ANLN: variants seen among roughly 807,000 people sequenced by gnomAD.
ANLN encodes the protein anillin, actin binding protein.
ANLN carries 59 observed loss-of-function variants against 135.1 expected under a neutral mutation model. The observed-to-expected ratio is 0.44, with a 90% CI of 0.35 to 0.54. The LOEUF (loss-of-function observed/expected upper bound fraction) is 0.54, where lower values mean the gene tolerates loss of function less well. ANLN is among the 20% of genes least tolerant of loss of function. ANLN has a pLI of 0.00. For synonymous variants in ANLN, 406 were observed against 456.4 expected (o/e 0.89, Z 1.41); for missense variants, 1,182 against 1,340.0 (o/e 0.88, Z 1.84).
chr7:36,402,502 G>A (rs948871855), intron 3 of ANLN, among the ~76,000 whole-genome samples: 8 of 151,950 alleles, frequency 5.3e-5, no homozygotes, highest in Non-Finnish European at 5.9e-5. Context: ...TCACACCAGC[G>A]CGATTTTTCT....
rs375919058 is a variant in ANLN at position 36,449,666 on chromosome 7, A to G, written c.3080A>G (p.Asn1027Ser). The G allele has an allele frequency of 4.4e-6, 7 of 1,605,114 alleles. No individual in the cohort carries two copies. In the East Asian group the frequency reaches 1.6e-4, roughly 36 times the overall value. The change falls in exon 23 of 24, where the codon AAT (asparagine) becomes AGT (serine). Residue 1027 changes from asparagine to serine, a missense_variant and splice_region_variant. Physicochemically the swap from Asn to Ser is conservative, Grantham distance 46. Transcript: ENST00000265748. ...WTYPDDEKRK[N>S]PIGRINLANC... The stretch of plus-strand genomic sequence containing the variant: ...ATTTCTCTTAATTTGTTTTTAAAGA[A>G]TCCCATAGGAAGGATAAATCTGGCT...
rs555966565 is a variant in ANLN at position 36,392,189 on chromosome 7, C to T, written c.18+2145C>T. On this transcript the variant is annotated intron_variant, in intron 1 of 23. Coordinates refer to ENST00000265748, the MANE Select transcript of ANLN (RefSeq NM_018685.5). The stretch of plus-strand genomic sequence containing the variant: ...ATATTTTATTGTAGACGCTTTAGAT[C>T]CTTTTATGTCTGCAGGCTGCATATA... Among the ~76,000 whole-genome samples, 209 of 152,250 alleles carry T rather than the reference C, an allele frequency of 1.4e-3. 2 individuals are homozygous for T. Among genetic ancestry groups the T allele is most frequent in the Non-Finnish European group, 2.2e-3 (150 of 68,018 alleles).
intron 20 of ANLN, among the ~76,000 whole-genome samples, chr7:36,431,512 G>GTCTA (rs549825942): frequency 4.8e-5 from 7 of 146,232 alleles, no homozygotes; most frequent in East Asian, 2.0e-4. Flanking sequence ...TTAGATATCT[G>GTCTA]TCTATCTATC....
At chr7:36,399,496 T>C in intron 3 of ANLN, 103 bp downstream of exon 3, 1 of 1,067,064 alleles carries the variant, frequency 9.4e-7, no homozygotes, top group Admixed American at 3.0e-5. Flanking sequence ...TAAATGCTTT[T>C]GTTTTATCTA....
In ANLN at chr7:36,449,850, C is replaced by T. The variant is rs371793997; in HGVS notation, c.3251+13C>T. The T allele has an allele frequency of 1.2e-6, 2 of 1,607,016 alleles. No homozygotes were observed. The highest frequency in any genetic ancestry group is 2.2e-5 in the East Asian group (1 of 44,766). On this transcript the variant is annotated intron_variant, in intron 23 of 23. Coordinates refer to ENST00000265748, the MANE Select transcript of ANLN (RefSeq NM_018685.5). ...TCTGTGTTACCAAGTATGTATTGGC[C>T]TATAAATATTTCTATCAACTAAGCA... is the stretch of plus-strand genomic sequence containing the variant.
At chr7:36,448,392 A>G (rs1325751366) in intron 22 of ANLN, among the ~76,000 whole-genome samples, 2 of 152,276 alleles carry the variant, frequency 1.3e-5, no homozygotes, top group Middle Eastern at 3.4e-3. Flanking sequence ...AGCTTAATTA[A>G]TTATTCGTTT....
chr7:36,396,291 G>A lies in ANLN; in HGVS notation c.44G>A (p.Arg15Lys). The change falls in exon 2 of 24, where the codon AGG becomes AAG. Residue 15 changes from arginine (R) to lysine (K), a missense_variant. By Grantham distance (26) the Arg-to-Lys change is conservative. Around this residue, in one of 3 missense-constraint regions of ANLN, gnomAD observed 1,022 missense variants for 1,134.0 expected, o/e 0.90. Coordinates refer to ENST00000265748, the MANE Select transcript of ANLN (RefSeq NM_018685.5). The stretch of plus-strand genomic sequence containing the variant: ...AAACTGCTGGAGCGAACCCGTGCCA[G>A]GCGAGAGAATCTTCAGAGAAAAATG... ...TEKLLERTRARRENLQRKMAE... is the reference protein window; with the variant it reads ...TEKLLERTRAKRENLQRKMAE... 1.2e-6 allele frequency: 2 copies of A among 1,607,018 alleles called. No homozygotes were observed. Among genetic ancestry groups the A allele is most frequent in the Admixed American group, 1.7e-5 (1 of 59,740 alleles).
intron 20 of ANLN, among the ~76,000 whole-genome samples, chr7:36,435,729 C>T (rs1788509168): frequency 1.3e-5 from 2 of 150,540 alleles, no homozygotes; most frequent in Non-Finnish European, 3.0e-5. Flanking sequence ...AAAAATTAGC[C>T]GGGCGTGGTA....
At chr7:36,433,463 G>GTT (rs34773574) in intron 20 of ANLN, among the ~76,000 whole-genome samples, 17,493 of 151,826 alleles carry the variant, frequency 0.12, 1,055 homozygotes, top group South Asian at 0.14. Context: ...ATTCTTTTCT[G>GTT]TTTTTTTATT....
intron 7 of ANLN, among the ~76,000 whole-genome samples, chr7:36,412,328 T>TATATATATATATATATATA (rs1554343031): frequency 1.6e-5 from 1 of 63,144 alleles, no homozygotes; most frequent in African/African-American, 5.6e-5. Context: ...TATATATATA[T>TATATATATATATATATATA]TTTTTTTTTT....
intron 7 of ANLN, among the ~76,000 whole-genome samples, chr7:36,412,823 A>G (rs1583613835): frequency 1.3e-5 from 2 of 152,250 alleles, no homozygotes; most frequent in African/African-American, 4.8e-5. Context: ...CAGTTTCTCA[A>G]ATATACCCAT....
chr7:36,400,445 C>T (rs1219083807), intron 3 of ANLN, among the ~76,000 whole-genome samples: 6 of 152,044 alleles, frequency 3.9e-5, no homozygotes, highest in Admixed American at 1.3e-4. Flanking sequence ...TTGCGACTTC[C>T]GCCTCTCAGG....
chr7:36,401,402 A>G (rs1330924099), intron 3 of ANLN, among the ~76,000 whole-genome samples: 1 of 152,080 alleles, frequency 6.6e-6, no homozygotes, highest in Non-Finnish European at 1.5e-5. Flanking sequence ...GCAGTGGCGC[A>G]ATCTCGGCTC....
At chr7:36,426,238 C>T (rs773949779) in intron 19 of ANLN, among the ~76,000 whole-genome samples, 7 of 152,094 alleles carry the variant, frequency 4.6e-5, no homozygotes, top group Non-Finnish European at 1.0e-4. Context: ...TTAGGTACCA[C>T]CATAGAGGCA....
rs1466635539 is a variant in ANLN, at chr7:36,419,290, T to C, written c.1680T>C (p.Asn560=). Residue 560 remains asparagine (N), a synonymous_variant, in exon 10 of 24, where the codon AAT becomes AAC. Transcript: ENST00000265748. ...IEMSVDDDDI[N]SSKVINDLFS... Reference sequence around the variant, plus strand: ...TGAGTGTGGATGATGATGATATCAATAGTTCGAAAGTAATTAATGACCTCT... The same window carrying C: ...TGAGTGTGGATGATGATGATATCAACAGTTCGAAAGTAATTAATGACCTCT... The C allele has an allele frequency of 6.2e-7, 1 of 1,613,980 alleles. No individual in the cohort carries two copies. The highest frequency in any genetic ancestry group is 1.3e-5 in the African/African-American group (1 of 74,918).
chr7:36,435,146 A>G (rs992279009), intron 20 of ANLN, among the ~76,000 whole-genome samples: 17 of 152,300 alleles, frequency 1.1e-4, no homozygotes, highest in African/African-American at 4.1e-4. Context: ...ATGTTCAGTT[A>G]ATTATAGACA....
intron 1 of ANLN, among the ~76,000 whole-genome samples, chr7:36,391,925 G>A (rs1307154206): frequency 6.7e-6 from 1 of 150,128 alleles, no homozygotes; most frequent in Non-Finnish European, 1.5e-5. Flanking sequence ...CCCTGTGGTC[G>A]CTGATACTGT....
At chr7:36,434,042 G>A (rs1464764323) in intron 20 of ANLN, among the ~76,000 whole-genome samples, 2 of 151,942 alleles carry the variant, frequency 1.3e-5, no homozygotes, top group East Asian at 1.9e-4. Context: ...GATAAGCTCC[G>A]TGTTTTCCTA....
intron 4 of ANLN, 54 bp downstream of exon 4, chr7:36,406,620 G>GGTATAATACATCTGTGTGTAT (rs1482898542): frequency 2.1e-6 from 3 of 1,430,274 alleles, no homozygotes; most frequent in African/African-American, 2.8e-5. Flanking sequence ...CGTTATGAGT[G>GGTATAATACATCTGTGTGTAT]GTATAATACA....
Sources: allele counts gnomAD v4.1 joint callset (sites outside exome capture counted in the v4.1 genomes callset), GRCh38; gene constraint gnomAD v4.1.1; regional missense constraint gnomAD v4.1.1; transcripts MANE v1.5; gene names NCBI Gene and HGNC (gene_info 2026-07-23, HGNC 2026-07-21).